The following CSTPP1 variants were observed in gnomAD, a reference collection of about 807,000 sequenced individuals.
CSTPP1 encodes centriolar satellite-associated tubulin polyglutamylase complex regulator 1.
At chr11:46,989,194 C>T in the CSTPP1 span, among the ~76,000 whole-genome samples, 3 of 152,066 alleles carry the variant, frequency 2.0e-5, no homozygotes, top group South Asian at 2.1e-4. Flanking sequence ...GGTGCCACTG[C>T]ACTCCAGCCT....
At chr11:47,122,503 A>G in the CSTPP1 span, among the ~76,000 whole-genome samples, 1 of 152,182 alleles carries the variant, frequency 6.6e-6, no homozygotes, top group African/African-American at 2.4e-5. Context: ...CCTTCCTTCC[A>G]CAGCTTTGTT....
chr11:47,100,705 C>T, the CSTPP1 span, among the ~76,000 whole-genome samples: 2 of 152,134 alleles, frequency 1.3e-5, no homozygotes, highest in African/African-American at 2.4e-5. Context: ...GCACAAGAAT[C>T]GCTTAAACCC....
the CSTPP1 span, chr11:47,138,165 C>G: frequency 5.7e-6 from 1 of 173,962 alleles, no homozygotes; most frequent in Non-Finnish European, 1.2e-5. Flanking sequence ...AGGAAACTTA[C>G]AATCGTGGTG....
the CSTPP1 span, among the ~76,000 whole-genome samples, chr11:47,004,175 T>C: frequency 8.0e-5 from 12 of 150,770 alleles, no homozygotes; most frequent in African/African-American, 3.0e-4. Flanking sequence ...TGTTTTTGTT[T>C]TTTTGTTTTT....
At chr11:47,054,216 CAGG>C in the CSTPP1 span, among the ~76,000 whole-genome samples, 1 of 144,296 alleles carries the variant, frequency 6.9e-6, no homozygotes, top group Non-Finnish European at 1.5e-5. Context: ...GAGGCTGAGG[CAGG>C]AGAATGGTGT....
chr11:47,126,096 T>C, the CSTPP1 span, among the ~76,000 whole-genome samples: 2 of 152,188 alleles, frequency 1.3e-5, no homozygotes, highest in African/African-American at 4.8e-5. Context: ...TGTCTAGTCC[T>C]GTTAAAATTG....
chr11:47,027,150 A>C, the CSTPP1 span, among the ~76,000 whole-genome samples: 1 of 147,144 alleles, frequency 6.8e-6, no homozygotes, highest in Non-Finnish European at 1.5e-5. Flanking sequence ...CCAGCCTTAT[A>C]AAAAAAGATA....
At chr11:47,010,927 G>A in the CSTPP1 span, among the ~76,000 whole-genome samples, 1 of 152,116 alleles carries the variant, frequency 6.6e-6, no homozygotes, top group African/African-American at 2.4e-5. Flanking sequence ...GTATTACTAA[G>A]TATCAGAAGT....
the CSTPP1 span, among the ~76,000 whole-genome samples, chr11:46,947,628 T>A: frequency 6.6e-6 from 1 of 152,244 alleles, no homozygotes; most frequent in Non-Finnish European, 1.5e-5. Context: ...CTGTTCTTTT[T>A]CTTCATTCAA....
chr11:47,048,480 A>G, the CSTPP1 span, among the ~76,000 whole-genome samples: 106 of 152,162 alleles, frequency 7.0e-4, 2 homozygotes, highest in Non-Finnish European at 7.4e-4. Flanking sequence ...AAAATTATGA[A>G]GGAAGGAAAG....
chr11:47,164,031 T>TCGCC, the CSTPP1 span: 1 of 1,538,236 alleles, frequency 6.5e-7, no homozygotes, highest in African/African-American at 1.4e-5. Flanking sequence ...GGTTGCTCGC[T>TCGCC]CGCCCTCAGC....
At chr11:47,151,901 A>G in the CSTPP1 span, among the ~76,000 whole-genome samples, 2 of 151,988 alleles carry the variant, frequency 1.3e-5, no homozygotes, top group Admixed American at 6.6e-5. Flanking sequence ...CACCTGTAGA[A>G]TGGAAATAAC....
At chr11:47,051,104 T>C in the CSTPP1 span, among the ~76,000 whole-genome samples, 98,832 of 151,764 alleles carry the variant, frequency 0.65, 32,557 homozygotes, top group Middle Eastern at 0.7. Flanking sequence ...CAGAGTCAGA[T>C]TTTTCCCCCC....
the CSTPP1 span, among the ~76,000 whole-genome samples, chr11:47,063,393 A>T: frequency 6.6e-6 from 1 of 152,114 alleles, no homozygotes; most frequent in Admixed American, 6.6e-5. Context: ...AAGTACATTC[A>T]CAGTGTTGTG....
chr11:47,127,955 C>T, the CSTPP1 span, among the ~76,000 whole-genome samples: 8 of 151,976 alleles, frequency 5.3e-5, no homozygotes, highest in Admixed American at 5.2e-4. Context: ...TGGCTCACTG[C>T]AACCTCCACC....
At chr11:46,958,484 TC>T in the CSTPP1 span, among the ~76,000 whole-genome samples, 1 of 152,144 alleles carries the variant, frequency 6.6e-6, no homozygotes, top group African/African-American at 2.4e-5. Flanking sequence ...TTTTTTCTTT[TC>T]TTTTTATAGA....
the CSTPP1 span, among the ~76,000 whole-genome samples, chr11:47,091,232 A>C: frequency 2.0e-5 from 3 of 149,432 alleles, no homozygotes; most frequent in Non-Finnish European, 4.4e-5. Context: ...TCTACTAAAA[A>C]TACAAAAAAA....
the CSTPP1 span, among the ~76,000 whole-genome samples, chr11:46,983,448 G>T: frequency 1.3e-5 from 2 of 152,214 alleles, no homozygotes; most frequent in African/African-American, 4.8e-5. Flanking sequence ...ACACTAGAGC[G>T]TAGGTACAGG....
the CSTPP1 span, among the ~76,000 whole-genome samples, chr11:46,970,550 T>C: frequency 1.3e-5 from 2 of 151,834 alleles, no homozygotes; most frequent in African/African-American, 4.8e-5. Context: ...AATATTAATG[T>C]ATTTTTTATA....
Sources: gnomAD v4.1 joint callset for allele counts (sites outside exome capture counted in the v4.1 genomes callset) on GRCh38, gnomAD v4.1.1 for gene constraint, MANE v1.5 for transcripts, NCBI Gene and HGNC (gene_info 2026-07-23, HGNC 2026-07-21) for gene names.